SAMD7: variants seen among roughly 807,000 people sequenced by gnomAD.
SAMD7 encodes the protein sterile alpha motif domain-containing protein 7.
Under a neutral mutation model 36.7 loss-of-function variants are expected in SAMD7, and 34 were observed. The ratio of observed to expected loss-of-function variants is 0.93; its 90% CI spans 0.71 to 1.23. The LOEUF is 1.23. SAMD7 is among the 50% of genes most tolerant of loss of function. The probability of loss-of-function intolerance (pLI) is 0.00; values close to 1 mark genes in which losing one functional copy is unlikely to be tolerated. For missense variants in SAMD7, 570 were observed against 546.6 expected, an observed-to-expected ratio of 1.04 and a Z score of -0.43; for synonymous variants, 188 against 189.7, an observed-to-expected ratio of 0.99 and a Z score of 0.07.
At chr3:169,912,554 A>G (rs1299776667) in intron 1 of SAMD7, among the ~76,000 whole-genome samples, 3 of 152,226 alleles carry the variant, frequency 2.0e-5, no homozygotes, top group Admixed American at 2.0e-4. Context: ...TAGAAATTAC[A>G]TAATTTTGAC....
Position 169,926,926 on chromosome 3 carries a change from C to G in SAMD7, c.664C>G (p.His222Asp), listed in dbSNP as rs371063340. 4 of 1,613,896 alleles carry G rather than the reference C, an allele frequency of 2.5e-6. No individual in the cohort carries two copies. Among genetic ancestry groups the G allele is most frequent in the Middle Eastern group, 1.6e-4 (1 of 6,062 alleles). Residue 222 changes from histidine (H) to aspartate (D), a missense_variant, in exon 6 of 9, where the codon CAT (histidine) becomes GAT (aspartate). Coordinates refer to ENST00000335556, the MANE Select transcript of SAMD7 (RefSeq NM_001304366.2). Reference sequence around the variant, plus strand: ...TCATGCAGTTCCCTATGAAGAGGATCATTATGCAAAAGACCCAGACATTGA... The same window carrying G: ...TCATGCAGTTCCCTATGAAGAGGATGATTATGCAAAAGACCCAGACATTGA... Reference protein sequence around the residue: ...QTHAVPYEEDHYAKDPDIEAP... With the variant: ...QTHAVPYEEDDYAKDPDIEAP...
intron 7 of SAMD7, among the ~76,000 whole-genome samples, chr3:169,930,605 A>G (rs1265701930): frequency 7.6e-6 from 1 of 132,210 alleles, no homozygotes; most frequent in Non-Finnish European, 1.6e-5. Context: ...TTTTTGAGAC[A>G]GAGTCTTGCT....
Position 169,938,431 on chromosome 3 carries a change from T to A in SAMD7, c.1266T>A (p.Ser422Arg). The change falls in exon 9 of 9, where the codon AGT (serine) becomes AGA (arginine). Residue 422 changes from serine to arginine, a missense_variant. Ser to Arg is a moderately radical substitution (Grantham distance 110). Coordinates refer to ENST00000335556, the MANE Select transcript of SAMD7 (RefSeq NM_001304366.2). ...TSPLLDPNSW[S>R]DTMNIFCPQD... ...CTCTTCTGGATCCTAATTCCTGGAG[T>A]GATACAATGAACATTTTTTGTCCCC... The A allele has an allele frequency of 6.2e-7, 1 of 1,611,892 alleles. No homozygotes were observed. The highest frequency in any genetic ancestry group is 8.5e-7 in the Non-Finnish European group (1 of 1,178,092).
intron 8 of SAMD7, among the ~76,000 whole-genome samples, chr3:169,937,241 G>C (rs1319120056): frequency 6.6e-6 from 1 of 151,932 alleles, no homozygotes; most frequent in Non-Finnish European, 1.5e-5. Flanking sequence ...TGACTGTATT[G>C]GCCTTCTTTT....
In SAMD7 at chr3:169,925,153, G is replaced by A; in HGVS notation, c.290+17G>A. On this transcript the variant is annotated intron_variant, in intron 5 of 8. Coordinates refer to ENST00000335556, the MANE Select transcript of SAMD7 (RefSeq NM_001304366.2). ...TACTGCCAGGTAATTTGGCAATGTT[G>A]TTTTATTTATTCTCTATTCATTCAC... The A allele has an allele frequency of 6.4e-7, 1 of 1,552,910 alleles. No individual in the cohort carries two copies. Among genetic ancestry groups the A allele is most frequent in the Non-Finnish European group, 8.8e-7 (1 of 1,132,474 alleles).
At chr3:169,917,916 C>A (rs1245148153) in intron 2 of SAMD7, among the ~76,000 whole-genome samples, 1 of 151,394 alleles carries the variant, frequency 6.6e-6, no homozygotes, top group Non-Finnish European at 1.5e-5. Flanking sequence ...GCTGGGATTA[C>A]AGGCATGAGC....
At chr3:169,932,931 A>T in intron 7 of SAMD7, 1 of 664,384 alleles carries the variant, frequency 1.5e-6, no homozygotes, top group South Asian at 1.5e-5. Flanking sequence ...ATCCTTCTTG[A>T]TAACAACAAA....
intron 2 of SAMD7, among the ~76,000 whole-genome samples, chr3:169,918,349 A>G (rs13097967): frequency 2.6e-5 from 4 of 152,116 alleles, no homozygotes; most frequent in African/African-American, 9.7e-5. Context: ...TTTTGTACCC[A>G]TTAACCATCC....
Position 169,926,914 on chromosome 3 carries a change from T to A in SAMD7, c.652T>A (p.Tyr218Asn). 6.2e-7 allele frequency: 1 copy of A among 1,613,924 alleles called. No homozygotes were observed. The highest frequency in any genetic ancestry group is 8.5e-7 in the Non-Finnish European group (1 of 1,179,988). ...CCTAGGTCAGACTCATGCAGTTCCC[T>A]ATGAAGAGGATCATTATGCAAAAGA... is the stretch of plus-strand genomic sequence containing the variant. ...KILGQTHAVP[Y>N]EEDHYAKDPD... The change falls in exon 6 of 9, where the codon TAT becomes AAT. Residue 218 changes from tyrosine (Y) to asparagine (N), a missense_variant. Transcript: ENST00000335556.
rs199520332 is a variant in SAMD7, at chr3:169,937,247, C to CT, written c.1152+807dup. ...CTCATTGGATGACTGTATTGGCCTTCTTTTTTTTTAATTTTAATTTTTATT... is the reference window on the plus strand; with the variant it reads ...CTCATTGGATGACTGTATTGGCCTTCTTTTTTTTTTAATTTTAATTTTTATT... On this transcript the variant is annotated intron_variant, in intron 8 of 8. Transcript: ENST00000335556. 7.4e-4 allele frequency among the ~76,000 whole-genome samples: 112 copies of CT among 151,434 alleles called. 1 individual carries two copies. Among genetic ancestry groups the CT allele is most frequent in the African/African-American group, 2.5e-3 (103 of 41,256 alleles).
chr3:169,937,700 A>C (rs1001740430), intron 8 of SAMD7, among the ~76,000 whole-genome samples: 10 of 152,158 alleles, frequency 6.6e-5, no homozygotes, highest in East Asian at 1.9e-4. Flanking sequence ...GCTATTGTGA[A>C]TAGTGCTGCA....
At chr3:169,934,562 C>T (rs767879418) in intron 7 of SAMD7, among the ~76,000 whole-genome samples, 7 of 152,178 alleles carry the variant, frequency 4.6e-5, no homozygotes, top group Admixed American at 4.6e-4. Flanking sequence ...ATCCCTCTGC[C>T]GTCCCCCAGA....
At position 169,915,455 on chromosome 3, in the gene SAMD7, G is replaced by A. The variant is rs1209020037; in HGVS notation, c.-42+14G>A. ...CTTTTCCTAAAGGTAACATGTAAGA[G>A]GAAGAGGTGGTGAGTCTCTAAGCAA... On this transcript the variant is annotated intron_variant, in intron 2 of 8. Transcript: ENST00000335556. 1 of 151,972 alleles carries A rather than the reference G, an allele frequency of 6.6e-6. No individual in the cohort carries two copies. Among genetic ancestry groups the A allele is most frequent in the Non-Finnish European group, 1.5e-5 (1 of 68,030 alleles). 9.4% of individuals were successfully genotyped at this position (151,972 alleles called of 1,614,324 possible). A position where few individuals can be genotyped will look rare whatever the true frequency, so the allele number is the denominator to read the frequency against.
chr3:169,922,603 G>A lies in SAMD7; in HGVS notation c.211+1265G>A, dbSNP rs183766923. On this transcript the variant is annotated intron_variant, in intron 4 of 8. Coordinates refer to ENST00000335556, the MANE Select transcript of SAMD7 (RefSeq NM_001304366.2). ...CAACCTTTGCCTCCCTGGTTCAAGC[G>A]ATTCTCCTGCCTCAGCCTGCCAAGT... is the stretch of plus-strand genomic sequence containing the variant. 1.2e-3 allele frequency among the ~76,000 whole-genome samples: 186 copies of A among 152,312 alleles called. 2 individuals carry two copies. Among genetic ancestry groups the A allele is most frequent in the African/African-American group, 4.3e-3 (177 of 41,564 alleles).
At position 169,938,308 on chromosome 3, in the gene SAMD7, G is replaced by A. The variant is rs1245252898; in HGVS notation, c.1153-10G>A. The A allele has an allele frequency of 2.6e-6, 4 of 1,563,532 alleles. No homozygotes were observed. Among genetic ancestry groups the A allele is most frequent in the Non-Finnish European group, 2.6e-6 (3 of 1,141,748 alleles). ...TAGAATTGATTACTATAATTATTTT[G>A]TCTTAAAAGGTATCTCAGCATGTGG... On this transcript the variant is annotated splice_polypyrimidine_tract_variant and intron_variant, in intron 8 of 8. Transcript: ENST00000335556.
At chr3:169,923,342 C>G (rs1713127046) in intron 4 of SAMD7, among the ~76,000 whole-genome samples, 1 of 152,152 alleles carries the variant, frequency 6.6e-6, no homozygotes, top group African/African-American at 2.4e-5. Flanking sequence ...GTTCAAGGAC[C>G]AAAGGAGACA....
chr3:169,938,309 T>C lies in SAMD7; in HGVS notation c.1153-9T>C. 3.8e-6 allele frequency: 6 copies of C among 1,568,700 alleles called. No homozygotes were observed. Among genetic ancestry groups the C allele is most frequent in the Non-Finnish European group, 5.2e-6 (6 of 1,145,968 alleles). Reference sequence around the variant, plus strand: ...AGAATTGATTACTATAATTATTTTGTCTTAAAAGGTATCTCAGCATGTGGG... The same window carrying C: ...AGAATTGATTACTATAATTATTTTGCCTTAAAAGGTATCTCAGCATGTGGG... On this transcript the variant is annotated splice_polypyrimidine_tract_variant and intron_variant, in intron 8 of 8. Transcript: ENST00000335556.
intron 2 of SAMD7, among the ~76,000 whole-genome samples, chr3:169,918,192 C>G (rs1712896844): frequency 6.6e-6 from 1 of 152,200 alleles, no homozygotes. Flanking sequence ...CCTGCCTCAG[C>G]CTCCCAAAGT....
rs765178959 is a variant in SAMD7, at chr3:169,938,405, C to G, written c.1240C>G (p.Pro414Ala). 1.9e-6 allele frequency: 3 copies of G among 1,608,622 alleles called. No individual in the cohort carries two copies. Among genetic ancestry groups the G allele is most frequent in the Admixed American group, 3.3e-5 (2 of 60,010 alleles). Residue 414 changes from proline to alanine, a missense_variant, in exon 9 of 9, where the codon CCT becomes GCT. Physicochemically the swap from Pro to Ala is conservative, Grantham distance 27. Coordinates refer to ENST00000335556, the MANE Select transcript of SAMD7 (RefSeq NM_001304366.2). Reference sequence around the variant, plus strand: ...ATTTGATCAACCAGCAGATACATCCCCTCTTCTGGATCCTAATTCCTGGAG... The same window carrying G: ...ATTTGATCAACCAGCAGATACATCCGCTCTTCTGGATCCTAATTCCTGGAG... ...QAFDQPADTSPLLDPNSWSDT... is the reference protein window; with the variant it reads ...QAFDQPADTSALLDPNSWSDT...
Sources: allele counts gnomAD v4.1 joint callset (sites outside exome capture counted in the v4.1 genomes callset), GRCh38; gene constraint gnomAD v4.1.1; transcripts MANE v1.5; gene names NCBI Gene and HGNC (gene_info 2026-07-23, HGNC 2026-07-21).